Variants in TPP2 observed in about 807,000 individuals in gnomAD.
TPP2 encodes the protein tripeptidyl-peptidase 2.
In TPP2, 34 loss-of-function variants were observed where a neutral mutation model predicts 155.9. The observed-to-expected ratio is 0.22, with a 90% CI of 0.17 to 0.29. The LOEUF (loss-of-function observed/expected upper bound fraction) is 0.29. Ranked by LOEUF, TPP2 falls within the 10% of genes least tolerant of loss-of-function variation. The probability of loss-of-function intolerance (pLI) is 1.00; values close to 1 mark genes in which losing one functional copy is unlikely to be tolerated. For missense variants in TPP2, 1,028 were observed against 1,522.3 expected (o/e 0.68, Z 5.40); for synonymous variants, 510 against 529.4 (o/e 0.96, Z 0.50).
intron 24 of TPP2, among the ~76,000 whole-genome samples, chr13:102,656,764 G>A (rs749691902): frequency 6.6e-6 from 1 of 152,144 alleles, no homozygotes; most frequent in Non-Finnish European, 1.5e-5. Context: ...TTTGTCATCT[G>A]TCTGCCAAGT....
At chr13:102,648,846 C>G in intron 21 of TPP2, 61 bp from the exon 22 acceptor site, 1 of 1,524,932 alleles carries the variant, frequency 6.6e-7, no homozygotes, top group Non-Finnish European at 8.7e-7. Flanking sequence ...TATCCTCTTT[C>G]AGTGATTTCC....
intron 16 of TPP2, among the ~76,000 whole-genome samples, chr13:102,642,929 A>G (rs1380541329): frequency 6.6e-6 from 1 of 152,212 alleles, no homozygotes; most frequent in Non-Finnish European, 1.5e-5. Context: ...GTAATTGTGT[A>G]TGCATCTATG....
intron 19 of TPP2, 43 bp downstream of exon 19, chr13:102,645,052 T>A (rs775827734): frequency 1.9e-6 from 3 of 1,574,234 alleles, no homozygotes; most frequent in Non-Finnish European, 1.7e-6. Flanking sequence ...TGAATATAGA[T>A]TGGGGGGATC....
chr13:102,646,890 A>G (rs907596820), intron 20 of TPP2, among the ~76,000 whole-genome samples: 9 of 152,230 alleles, frequency 5.9e-5, no homozygotes, highest in African/African-American at 2.2e-4. Flanking sequence ...CAGTTTGGTT[A>G]TAATGTTAGG....
rs767464340 is a variant in TPP2 at position 102,614,109 on chromosome 13, A to T, written c.303A>T (p.Ala101=). ...TCTTTTTTTTTCTGTAGATTCCTGC[A>T]AGCTGGACAAATCCCTCAGGCAAAT... ...GLSGRVLKIP[A]SWTNPSGKYH... is the part of the protein sequence containing the mutation. The change falls in exon 3 of 30, where the codon GCA becomes GCT. Residue 101 remains alanine (A), a synonymous_variant. Transcript: ENST00000376052. 6.2e-7 allele frequency: 1 copy of T among 1,613,168 alleles called. No homozygotes were observed. The highest frequency in any genetic ancestry group is 2.2e-5 in the East Asian group (1 of 44,796).
chr13:102,673,223 C>T (rs886838269), intron 27 of TPP2, among the ~76,000 whole-genome samples: 1 of 152,168 alleles, frequency 6.6e-6, no homozygotes, highest in Non-Finnish European at 1.5e-5. Context: ...AGCCCTTGAG[C>T]CTTCAAGTTG....
At chr13:102,600,953 G>A (rs1201430105) in intron 1 of TPP2, among the ~76,000 whole-genome samples, 1 of 151,788 alleles carries the variant, frequency 6.6e-6, no homozygotes, top group Non-Finnish European at 1.5e-5. Flanking sequence ...CACAGTGGCA[G>A]GATCACCACT....
chr13:102,647,966 AT>A (rs1883237028), intron 21 of TPP2, among the ~76,000 whole-genome samples: 1 of 152,096 alleles, frequency 6.6e-6, no homozygotes, highest in African/African-American at 2.4e-5. Context: ...ATTTATGGAG[AT>A]TTTTTTCAAT....
intron 3 of TPP2, 135 bp from the exon 4 acceptor site, chr13:102,616,261 A>G (rs1332255868): frequency 2.2e-5 from 14 of 651,110 alleles, no homozygotes; most frequent in Non-Finnish European, 3.2e-5. Context: ...CCGGCCAAAA[A>G]TGATTTTTTA....
intron 6 of TPP2, 92 bp from the exon 7 acceptor site, chr13:102,626,920 C>T: frequency 2.3e-6 from 3 of 1,319,252 alleles, no homozygotes; most frequent in Non-Finnish European, 2.0e-6. Flanking sequence ...AATGTGTATT[C>T]TTTTTATCAT....
rs1472726836 is a variant in TPP2 at position 102,597,005 on chromosome 13, A to G, written c.-34A>G. The G allele has an allele frequency of 1.0e-5, 16 of 1,604,508 alleles. No individual in the cohort carries two copies. Among genetic ancestry groups the G allele is most frequent in the Middle Eastern group, 2.2e-4 (1 of 4,580 alleles). ...GCTGCTAGTCCGCGCGCAGCCTGGC[A>G]GTTTGCCGCTTCCTCGTCCTCCATC... On this transcript the variant is annotated 5_prime_UTR_variant, in exon 1 of 30. Transcript: ENST00000376052.
Position 102,647,141 on chromosome 13 carries a change from T to C in TPP2, c.2491-66T>C, listed in dbSNP as rs958856618. 1.3e-5 allele frequency: 19 copies of C among 1,474,654 alleles called. No homozygotes were observed. The Admixed American group carries it at 3.0e-4, about 24-fold the overall frequency. The allele number at this position is 1,474,654 out of a possible 1,614,324, so 91.3% of individuals were successfully genotyped here. On this transcript the variant is annotated intron_variant, in intron 20 of 29. Transcript: ENST00000376052. The stretch of plus-strand genomic sequence containing the variant: ...TGAAAAAGTCTCATGTCAATAACAA[T>C]ATTAAAAATTTGTATCAGAAATTAT...
At chr13:102,637,812 G>C (rs1165827176) in intron 14 of TPP2, among the ~76,000 whole-genome samples, 1 of 152,060 alleles carries the variant, frequency 6.6e-6, no homozygotes, top group South Asian at 2.1e-4. Flanking sequence ...TGGCCTCCCA[G>C]GGCTTTGGGA....
At position 102,649,635 on chromosome 13, in the gene TPP2, T is replaced by A. The variant is rs753774273; in HGVS notation, c.2952+149T>A. 20 of 621,974 alleles carry A rather than the reference T, an allele frequency of 3.2e-5. No individual in the cohort carries two copies. In the South Asian group the frequency reaches 4.7e-4, roughly 15 times the overall value. 38.5% of individuals were successfully genotyped at this position (621,974 alleles called of 1,614,324 possible). On this transcript the variant is annotated intron_variant, in intron 23 of 29. Coordinates refer to ENST00000376052, the MANE Select transcript of TPP2 (RefSeq NM_001330588.2). The stretch of plus-strand genomic sequence containing the variant: ...TAATCCTTTTTTCCCAGGTTACTAG[T>A]GAAAGTCAGTTAATATTTAGTTGTC...
chr13:102,652,500 G>A (rs761686078), intron 24 of TPP2, among the ~76,000 whole-genome samples: 2 of 142,696 alleles, frequency 1.4e-5, no homozygotes, highest in Non-Finnish European at 3.0e-5. Context: ...GACGTGCTAC[G>A]TCATTCAACA....
At chr13:102,668,353 A>G (rs1311070809) in intron 27 of TPP2, among the ~76,000 whole-genome samples, 1 of 151,792 alleles carries the variant, frequency 6.6e-6, no homozygotes, top group East Asian at 1.9e-4. Flanking sequence ...ACATCTCCCC[A>G]TTTTCTGTTT....
At position 102,679,483 on chromosome 13, in the gene TPP2, T is replaced by G. The variant is rs1885499423; in HGVS notation, c.*1167T>G. 6.6e-6 allele frequency: 1 copy of G among 152,256 alleles called. No individual in the cohort carries two copies. Among genetic ancestry groups the G allele is most frequent in the Non-Finnish European group, 1.5e-5 (1 of 68,036 alleles). The allele number at this position is 152,256 out of a possible 1,614,324, so 9.4% of individuals were successfully genotyped here. On this transcript the variant is annotated 3_prime_UTR_variant, in exon 30 of 30. Coordinates refer to ENST00000376052, the MANE Select transcript of TPP2 (RefSeq NM_001330588.2). ...CAAATTGTGTGTATGTATGATTTTTTTATCTTGTTCTCTTAAGATTTACTG... is the reference window on the plus strand; with the variant it reads ...CAAATTGTGTGTATGTATGATTTTTGTATCTTGTTCTCTTAAGATTTACTG...
rs141147882 is a variant in TPP2, at chr13:102,622,405, C to T, written c.621-472C>T. On this transcript the variant is annotated intron_variant, in intron 5 of 29. Coordinates refer to ENST00000376052, the MANE Select transcript of TPP2 (RefSeq NM_001330588.2). Reference sequence around the variant, plus strand: ...AACCATAAAGTAATGTAGAAAATGCCTTCTGTGAGAAATAAATTTAAGTCT... The same window carrying T: ...AACCATAAAGTAATGTAGAAAATGCTTTCTGTGAGAAATAAATTTAAGTCT... Among the ~76,000 whole-genome samples the T allele has an allele frequency of 7.6e-4, 115 of 152,230 alleles. 1 individual carries two copies. In the East Asian group the frequency reaches 0.021, roughly 28 times the overall value.
At chr13:102,612,141 C>T (rs905573767) in intron 2 of TPP2, among the ~76,000 whole-genome samples, 4 of 152,084 alleles carry the variant, frequency 2.6e-5, no homozygotes, top group African/African-American at 7.2e-5. Context: ...AAAGATAAAT[C>T]CAGGCATAAT....
Sources: gnomAD v4.1 joint callset for allele counts (sites outside exome capture counted in the v4.1 genomes callset) on GRCh38, gnomAD v4.1.1 for gene constraint, MANE v1.5 for transcripts, NCBI Gene and HGNC (gene_info 2026-07-23, HGNC 2026-07-21) for gene names.